The following A2ML1 variants were observed in gnomAD, a reference collection of about 807,000 sequenced individuals.
A2ML1 encodes the protein alpha-2-macroglobulin like 1.
In A2ML1, 161 loss-of-function variants were observed where a neutral mutation model predicts 181.9. The ratio of observed to expected loss-of-function variants is 0.89; its 90% CI spans 0.78 to 1.01. A2ML1 has a LOEUF of 1.01. Among genes scored for constraint, A2ML1 ranks in the 50% least tolerant of loss-of-function variants. A2ML1 has a pLI of 0.00. For synonymous variants in A2ML1, 663 were observed against 666.8 expected (o/e 0.99, Z 0.09); for missense variants, 1,670 against 1,768.1 (o/e 0.94, Z 1.00).
At chr12:8,845,961 G>A in intron 13 of A2ML1, 116 bp from the exon 14 acceptor site, 1 of 1,087,214 alleles carries the variant, frequency 9.2e-7, no homozygotes, top group Non-Finnish European at 1.3e-6. Flanking sequence ...AGAAAAATGA[G>A]AAGTAACTTG....
At position 8,843,380 on chromosome 12, in the gene A2ML1, G is replaced by C; in HGVS notation, c.1476+19G>C. On this transcript the variant is annotated intron_variant, in intron 12 of 35. Coordinates refer to ENST00000299698, the MANE Select transcript of A2ML1 (RefSeq NM_144670.6). ...CTACTATGTGAGACCGGGAAACGGG[G>C]ACGGGTGAGAGTATGCTGGGAAGGA... 1 of 1,609,176 alleles carries C rather than the reference G, an allele frequency of 6.2e-7. No homozygotes were observed. Among genetic ancestry groups the C allele is most frequent in the Non-Finnish European group, 8.5e-7 (1 of 1,175,898 alleles).
At chr12:8,853,770 G>A (rs143462221) in intron 20 of A2ML1, among the ~76,000 whole-genome samples, 1 of 152,202 alleles carries the variant, frequency 6.6e-6, no homozygotes, top group Non-Finnish European at 1.5e-5. Context: ...GTGCACCCAA[G>A]ATGGAAGCTG....
At chr12:8,829,870 T>TG (rs1437810566) in intron 4 of A2ML1, 91 bp downstream of exon 4, 2 of 1,537,068 alleles carry the variant, frequency 1.3e-6, no homozygotes, top group African/African-American at 2.7e-5. Context: ...AGCCTGGGCG[T>TG]GGCAAGGCGA....
intron 28 of A2ML1, 44 bp downstream of exon 28, chr12:8,861,341 G>A (rs750134770): frequency 4.2e-5 from 68 of 1,602,424 alleles, no homozygotes; most frequent in Non-Finnish European, 5.6e-5. Flanking sequence ...GTGAACATAA[G>A]CTGTGAGTTA....
At chr12:8,887,169 A>T (rs1944929279), downstream of A2ML1, among the ~76,000 whole-genome samples, 1 of 60,316 alleles carries the variant, frequency 1.7e-5, no homozygotes, top group African/African-American at 4.2e-5. Flanking sequence ...AAAACGAAAC[A>T]AAAAAAACAA....
chr12:8,825,226 TTC>T (rs1465357796), intron 3 of A2ML1, among the ~76,000 whole-genome samples: 1 of 152,168 alleles, frequency 6.6e-6, no homozygotes, highest in Non-Finnish European at 1.5e-5. Flanking sequence ...TGTATGAGGG[TTC>T]TCTTTTCTCC....
chr12:8,868,514 T>A, intron 31 of A2ML1, 23 bp from the exon 32 acceptor site: 1 of 1,612,424 alleles, frequency 6.2e-7, no homozygotes, highest in Middle Eastern at 1.7e-4. Context: ...GGCTCACATG[T>A]GTTTTCTTCT....
At chr12:8,849,523 C>T in intron 16 of A2ML1, 146 bp from the exon 17 acceptor site, 1 of 655,628 alleles carries the variant, frequency 1.5e-6, no homozygotes, top group East Asian at 2.7e-5. Flanking sequence ...GCCTCAGTGG[C>T]TGAGTTTCAG....
intron 7 of A2ML1, among the ~76,000 whole-genome samples, chr12:8,885,139 C>T (rs542052353): frequency 7.2e-5 from 11 of 151,984 alleles, no homozygotes; most frequent in Non-Finnish European, 1.3e-4. Flanking sequence ...ACTTCAGTAC[C>T]GCAAATATCT....
intron 3 of A2ML1, among the ~76,000 whole-genome samples, chr12:8,828,802 G>T (rs959729734): frequency 2.6e-5 from 4 of 152,210 alleles, no homozygotes; most frequent in African/African-American, 9.6e-5. Context: ...AGCCCCAGGG[G>T]CTAATCGGAA....
At chr12:8,859,064 A>G (rs1177284396) in intron 26 of A2ML1, among the ~76,000 whole-genome samples, 1 of 151,986 alleles carries the variant, frequency 6.6e-6, no homozygotes, top group East Asian at 1.9e-4. Flanking sequence ...GGTGCATGCT[A>G]ATAAGTGGCA....
At chr12:8,859,812 C>T (rs1228504304) in intron 26 of A2ML1, among the ~76,000 whole-genome samples, 2 of 152,022 alleles carry the variant, frequency 1.3e-5, no homozygotes, top group Admixed American at 6.6e-5. Context: ...GTGATCCACC[C>T]GCCTTGACCT....
rs61734941 is a variant in A2ML1 at position 8,835,613 on chromosome 12, C to T, written c.590C>T (p.Thr197Ile). 1.5e-3 allele frequency: 2,487 copies of T among 1,614,198 alleles called. 34 individuals carry two copies. In the African/African-American group the frequency reaches 0.03, roughly 19 times the overall value. ...CCAGAGGCAATGCTGGGCACCTACA[C>T]TGTGGCAGTGGCTGAGGGCAAGACC... The part of the protein sequence containing the change: ...LAPEAMLGTY[T>I]VAVAEGKTFG... The change falls in exon 6 of 36, where the codon ACT becomes ATT. Residue 197 changes from threonine (T) to isoleucine (I), a missense_variant. Thr to Ile is a moderately conservative substitution (Grantham distance 89). Transcript: ENST00000299698.
At chr12:8,847,757 A>G (rs1333579194) in intron 15 of A2ML1, 59 bp downstream of exon 15, 36 of 1,571,770 alleles carry the variant, frequency 2.3e-5, no homozygotes, top group Non-Finnish European at 3.1e-5. Context: ...GACAATTAAG[A>G]GGTAGGTTTC....
chr12:8,884,815 C>A (rs184447114), intron 7 of A2ML1, among the ~76,000 whole-genome samples: 35 of 152,326 alleles, frequency 2.3e-4, no homozygotes, highest in Non-Finnish European at 4.6e-4. Context: ...AGTATAATGG[C>A]CTCCAGCTTC....
chr12:8,862,466 T>C (rs1174883794), intron 28 of A2ML1, among the ~76,000 whole-genome samples: 1 of 152,182 alleles, frequency 6.6e-6, no homozygotes, highest in Non-Finnish European at 1.5e-5. Context: ...TCTTCCAAAG[T>C]GCTGAATTAC....
intron 4 of A2ML1, 44 bp downstream of exon 4, chr12:8,829,823 A>G (rs2136729605): frequency 6.2e-7 from 1 of 1,610,104 alleles, no homozygotes; most frequent in Non-Finnish European, 8.5e-7. Flanking sequence ...GAGAACAGGG[A>G]AAAGGATGAG....
intron 7 of A2ML1, among the ~76,000 whole-genome samples, chr12:8,884,277 CT>C (rs763853430): frequency 7.5e-5 from 6 of 80,020 alleles, no homozygotes; most frequent in Non-Finnish European, 1.6e-4. Context: ...TTTTTTTTAA[CT>C]TTTATTTGAG....
In A2ML1 at chr12:8,869,446, GAC is replaced by G. The variant is rs34599388; in HGVS notation, c.4221+247_4221+248del. On this transcript the variant is annotated intron_variant, in intron 33 of 35. Coordinates refer to ENST00000299698, the MANE Select transcript of A2ML1 (RefSeq NM_144670.6). ...TTACGACATTTGAAGATTTCTGGTA[GAC>G]ACATTTAAAAAGTATAGAAACAGAT... Among the ~76,000 whole-genome samples the G allele has an allele frequency of 0.23, 34,722 of 151,968 alleles. 4,221 individuals carry two copies. Among genetic ancestry groups the G allele is most frequent in the South Asian group, 0.31 (1,482 of 4,814 alleles).
Sources: gnomAD v4.1 joint callset for allele counts (sites outside exome capture counted in the v4.1 genomes callset) on GRCh38, gnomAD v4.1.1 for gene constraint, MANE v1.5 for transcripts, NCBI Gene and HGNC (gene_info 2026-07-23, HGNC 2026-07-21) for gene names.